The following CFAP221 variants were observed in gnomAD, a reference collection of about 807,000 sequenced individuals.
CFAP221 encodes cilia- and flagella-associated protein 221.
In CFAP221, 97 loss-of-function variants were observed where a neutral mutation model predicts 113.1. The ratio of observed to expected loss-of-function variants is 0.86; its 90% CI spans 0.73 to 1.02. The LOEUF (loss-of-function observed/expected upper bound fraction) is 1.02. Ranked by LOEUF, CFAP221 falls within the 50% of genes least tolerant of loss-of-function variation. CFAP221 has a pLI of 0.00. For synonymous variants in CFAP221, 331 were observed against 354.4 expected (o/e 0.93, Z 0.74); for missense variants, 1,025 against 1,013.4 (o/e 1.01, Z -0.16).
chr2:119,589,339 T>G (rs1467013150), intron 7 of CFAP221, among the ~76,000 whole-genome samples: 4 of 152,264 alleles, frequency 2.6e-5, no homozygotes, highest in Non-Finnish European at 5.9e-5. Context: ...CAGGCAATCT[T>G]TGTGCTTACT....
chr2:119,550,383 A>G (rs1188038239), intron 3 of CFAP221, among the ~76,000 whole-genome samples: 1 of 152,242 alleles, frequency 6.6e-6, no homozygotes, highest in East Asian at 1.9e-4. Context: ...CACAGTTTCC[A>G]TGAATCCTTA....
chr2:119,606,116 T>A (rs1380848699), intron 11 of CFAP221, among the ~76,000 whole-genome samples: 1 of 151,542 alleles, frequency 6.6e-6, no homozygotes, highest in Non-Finnish European at 1.5e-5. Context: ...TGATCCTCCC[T>A]CTTCAGCCTC....
At chr2:119,635,964 A>G (rs1687087005) in intron 19 of CFAP221, among the ~76,000 whole-genome samples, 1 of 152,214 alleles carries the variant, frequency 6.6e-6, no homozygotes, top group South Asian at 2.1e-4. Context: ...AAGGGGGGAA[A>G]TCAACTGAAC....
At chr2:119,575,633 T>C (rs1682392778) in intron 6 of CFAP221, among the ~76,000 whole-genome samples, 1 of 152,212 alleles carries the variant, frequency 6.6e-6, no homozygotes, top group South Asian at 2.1e-4. Context: ...AGCATTTCAG[T>C]TTTGCAAGAT....
intron 3 of CFAP221, among the ~76,000 whole-genome samples, chr2:119,554,788 A>G (rs1304797871): frequency 6.6e-6 from 1 of 152,224 alleles, no homozygotes; most frequent in Admixed American, 6.5e-5. Context: ...GAGTAAATGC[A>G]TGACCAAGAT....
chr2:119,560,865 A>T (rs978866595), intron 5 of CFAP221, among the ~76,000 whole-genome samples: 2 of 152,128 alleles, frequency 1.3e-5, no homozygotes, highest in Admixed American at 6.5e-5. Flanking sequence ...ACTTCGTCAT[A>T]TTAGAGATGC....
chr2:119,560,024 AAGGT>A lies in CFAP221; in HGVS notation c.426+3_426+6del. ...TTATGACTGCATCCGTGTTCACTGT[AAGGT>A]AGGTCTCTTAAAATTGCTTTTTTTT... On this transcript the variant is annotated splice_donor_variant and coding_sequence_variant, in exon 5 of 24. Transcript: ENST00000413369. LOFTEE classifies it high-confidence loss of function. The A allele has an allele frequency of 6.8e-7, 1 of 1,475,222 alleles. No individual in the cohort carries two copies. Among genetic ancestry groups the A allele is most frequent in the Non-Finnish European group, 9.1e-7 (1 of 1,101,614 alleles). 91.4% of individuals were successfully genotyped at this position (1,475,222 alleles called of 1,614,324 possible).
intron 7 of CFAP221, among the ~76,000 whole-genome samples, chr2:119,594,597 G>C (rs1683831920): frequency 6.6e-6 from 1 of 152,084 alleles, no homozygotes; most frequent in South Asian, 2.1e-4. Flanking sequence ...CCTTCAAAAA[G>C]TATTAATTTT....
intron 6 of CFAP221, among the ~76,000 whole-genome samples, chr2:119,573,801 T>A (rs2104577057): frequency 6.6e-6 from 1 of 152,380 alleles, no homozygotes; most frequent in Non-Finnish European, 1.5e-5. Context: ...GCTGACCTAA[T>A]GTCAGTCTAG....
At chr2:119,556,470 G>A (rs1268212471) in intron 3 of CFAP221, among the ~76,000 whole-genome samples, 1 of 151,780 alleles carries the variant, frequency 6.6e-6, no homozygotes, top group Non-Finnish European at 1.5e-5. Flanking sequence ...GTCAAATAAT[G>A]TATCTTTTAT....
Position 119,594,902 on chromosome 2 carries a change from G to A in CFAP221, c.632-6316G>A, listed in dbSNP as rs536799850. Among the ~76,000 whole-genome samples the A allele has an allele frequency of 4.7e-4, 72 of 152,328 alleles. No individual in the cohort carries two copies. In the South Asian group the frequency reaches 0.014, roughly 29 times the overall value. Reference sequence around the variant, plus strand: ...CATGAGGGCACAAAGTTGGGAAGCAGCAGAGCTGGGGTTGCAATGCAGAGA... The same window carrying A: ...CATGAGGGCACAAAGTTGGGAAGCAACAGAGCTGGGGTTGCAATGCAGAGA... On this transcript the variant is annotated intron_variant, in intron 7 of 23. Transcript: ENST00000413369.
chr2:119,630,754 T>A lies in CFAP221; in HGVS notation c.1840-13T>A. On this transcript the variant is annotated splice_polypyrimidine_tract_variant and intron_variant, in intron 18 of 23. Transcript: ENST00000413369. ...GGCATCAAAACTAACGTGCTGTCCTTGCTCCTTGTTAGGATGAAGTCACCA... is the reference window on the plus strand; with the variant it reads ...GGCATCAAAACTAACGTGCTGTCCTAGCTCCTTGTTAGGATGAAGTCACCA... The A allele has an allele frequency of 6.2e-7, 1 of 1,609,512 alleles. No homozygotes were observed. The highest frequency in any genetic ancestry group is 1.3e-5 in the African/African-American group (1 of 74,974).
intron 22 of CFAP221, among the ~76,000 whole-genome samples, chr2:119,649,593 G>C (rs1171934686): frequency 6.6e-6 from 1 of 152,170 alleles, no homozygotes; most frequent in East Asian, 1.9e-4. Context: ...GTCCACCAAG[G>C]CTTAGTGAAG....
intron 5 of CFAP221, 129 bp from the exon 6 acceptor site, chr2:119,561,885 A>C: frequency 6.0e-6 from 4 of 668,934 alleles, no homozygotes; most frequent in South Asian, 1.8e-5. Context: ...TGTTGTAGTT[A>C]AGCGCTGAAG....
intron 6 of CFAP221, among the ~76,000 whole-genome samples, chr2:119,562,403 G>A (rs1375173458): frequency 6.6e-6 from 1 of 152,148 alleles, no homozygotes; most frequent in African/African-American, 2.4e-5. Context: ...GGTTGCAGGA[G>A]CCTGACTCTC....
intron 8 of CFAP221, among the ~76,000 whole-genome samples, chr2:119,604,463 C>T (rs776283886): frequency 1.8e-4 from 27 of 151,924 alleles, no homozygotes; most frequent in Non-Finnish European, 3.5e-4. Flanking sequence ...AAAAAAAAAC[C>T]GTTGGTGGGC....
At chr2:119,559,225 G>A (rs1028735380) in intron 3 of CFAP221, among the ~76,000 whole-genome samples, 1 of 152,204 alleles carries the variant, frequency 6.6e-6, no homozygotes, top group Non-Finnish European at 1.5e-5. Flanking sequence ...ATTGGAGGCT[G>A]TCTTAGTCAC....
chr2:119,627,378 C>T (rs1686385805), intron 15 of CFAP221, among the ~76,000 whole-genome samples: 1 of 151,840 alleles, frequency 6.6e-6, no homozygotes, highest in Non-Finnish European at 1.5e-5. Context: ...AAAATGTCTT[C>T]ATTTACTTCT....
chr2:119,572,619 C>A, intron 6 of CFAP221: 1 of 694,668 alleles, frequency 1.4e-6, no homozygotes, highest in South Asian at 1.5e-5. Flanking sequence ...GTTGCTCTCC[C>A]ATCAACTCAT....
Sources: allele counts gnomAD v4.1 joint callset (sites outside exome capture counted in the v4.1 genomes callset), GRCh38; gene constraint gnomAD v4.1.1; transcripts MANE v1.5; gene names NCBI Gene and HGNC (gene_info 2026-07-23, HGNC 2026-07-21).